The following PCSK5 variants were observed in gnomAD, a reference collection of about 807,000 sequenced individuals.
PCSK5 encodes proprotein convertase subtilisin/kexin type 5, also known as prohormone convertase 5.
A neutral mutation model predicts 233.2 loss-of-function variants in PCSK5; 129 were observed. That is an observed-to-expected ratio of 0.55 (90% CI 0.48 to 0.64). The LOEUF is 0.64. PCSK5 is among the 30% of genes least tolerant of loss of function. The pLI is 0.00. For synonymous variants in PCSK5, 825 were observed against 879.2 expected (o/e 0.94, Z 1.09); for missense variants, 2,076 against 2,430.1 (o/e 0.85, Z 3.06).
At chr9:76,289,127 G>A (rs929856856) in intron 24 of PCSK5, among the ~76,000 whole-genome samples, 2 of 152,022 alleles carry the variant, frequency 1.3e-5, no homozygotes, top group African/African-American at 2.4e-5. Flanking sequence ...TTTGTAGTCC[G>A]GCCCACCCCA....
intron 34 of PCSK5, among the ~76,000 whole-genome samples, chr9:76,336,726 A>G (rs1316241337): frequency 1.3e-5 from 2 of 152,182 alleles, no homozygotes; most frequent in Non-Finnish European, 2.9e-5. Flanking sequence ...TAATGTGCCC[A>G]TCATGGTCCC....
chr9:76,342,869 C>T (rs1013447475), intron 35 of PCSK5, among the ~76,000 whole-genome samples: 7 of 152,258 alleles, frequency 4.6e-5, no homozygotes, highest in Admixed American at 3.3e-4. Flanking sequence ...TGCTCCTCCC[C>T]CTCTCTCAAT....
At chr9:76,302,458 G>A (rs948190813) in intron 28 of PCSK5, among the ~76,000 whole-genome samples, 101 of 152,246 alleles carry the variant, frequency 6.6e-4, no homozygotes, top group African/African-American at 2.3e-3. Context: ...AAGGATATTC[G>A]TGACGAGCTA....
At position 75,963,337 on chromosome 9, in the gene PCSK5, A is replaced by G. The variant is rs548984907; in HGVS notation, c.298-22795A>G. ...CTCTAAAATTATTCTCACATTTTCA[A>G]TTCTAACAATTTATGGTGAAAATCT... On this transcript the variant is annotated intron_variant, in intron 2 of 37. Transcript: ENST00000674117. 2.8e-4 allele frequency among the ~76,000 whole-genome samples: 43 copies of G among 152,318 alleles called. 1 individual carries two copies. The South Asian group carries it at 8.5e-3, about 30-fold the overall frequency.
At chr9:76,278,021 A>G (rs954216530) in intron 24 of PCSK5, among the ~76,000 whole-genome samples, 1 of 152,210 alleles carries the variant, frequency 6.6e-6, no homozygotes, top group Non-Finnish European at 1.5e-5. Flanking sequence ...TCTCAAAACA[A>G]TTCAAGTATT....
At position 76,296,811 on chromosome 9, in the gene PCSK5, C is replaced by T. The variant is rs768565638; in HGVS notation, c.3469C>T (p.Arg1157Cys). The T allele has an allele frequency of 6.8e-6, 11 of 1,612,106 alleles. No homozygotes were observed. Among genetic ancestry groups the T allele is most frequent in the African/African-American group, 4.0e-5 (3 of 74,840 alleles). ...SSCQEGLQLL[R>C]GMCVHATKTQ... ...CTGCCAGGAAGGACTGCAGCTGCTG[C>T]GTGGGATGTGCGTGCATGCCACCAA... Residue 1157 changes from arginine to cysteine, a missense_variant, in exon 27 of 38, where the codon CGT becomes TGT. Arg to Cys is a radical substitution (Grantham distance 180, BLOSUM62 -3). This residue lies in a region of PCSK5 where 1,510 missense variants were observed against 1,538.1 expected (regional missense o/e 0.98). Transcript: ENST00000674117.
At chr9:75,954,534 T>A (rs747904730) in intron 2 of PCSK5, among the ~76,000 whole-genome samples, 2 of 152,198 alleles carry the variant, frequency 1.3e-5, no homozygotes, top group Non-Finnish European at 2.9e-5. Context: ...GTGCCTTGAC[T>A]TCTTTTAAGA....
At chr9:76,279,695 G>A (rs1367587449) in intron 24 of PCSK5, among the ~76,000 whole-genome samples, 8 of 151,952 alleles carry the variant, frequency 5.3e-5, no homozygotes, top group Non-Finnish European at 1.0e-4. Flanking sequence ...ATGTTTTTTG[G>A]CTGCATAAAT....
At chr9:76,355,521 T>C (rs1363495008) in intron 37 of PCSK5, among the ~76,000 whole-genome samples, 1 of 152,110 alleles carries the variant, frequency 6.6e-6, no homozygotes, top group Non-Finnish European at 1.5e-5. Context: ...TCTTAAAATA[T>C]ACTCTCTAGT....
At chr9:76,166,360 T>G (rs1258368668) in intron 12 of PCSK5, among the ~76,000 whole-genome samples, 1 of 152,034 alleles carries the variant, frequency 6.6e-6, no homozygotes. Context: ...TGAATTCTGA[T>G]TTGTGGATAT....
chr9:76,293,593 G>C (rs532713715), intron 25 of PCSK5, among the ~76,000 whole-genome samples: 1 of 152,172 alleles, frequency 6.6e-6, no homozygotes, highest in Admixed American at 6.5e-5. Flanking sequence ...GGGATTATAG[G>C]TGCACACCAC....
chr9:76,181,615 G>A (rs778261438), intron 16 of PCSK5, 24 bp downstream of exon 16: 2 of 1,541,004 alleles, frequency 1.3e-6, no homozygotes, highest in Non-Finnish European at 8.9e-7. Context: ...AAATACTTGG[G>A]TTTTAGAGAA....
At chr9:75,946,927 A>G (rs1557003) in intron 2 of PCSK5, among the ~76,000 whole-genome samples, 34,049 of 152,126 alleles carry the variant, frequency 0.22, 4,198 homozygotes, top group East Asian at 0.48. Context: ...GCTCTTCCCC[A>G]GATACTGTTT....
At chr9:76,189,286 A>C (rs1824253002) in intron 19 of PCSK5, 63 bp downstream of exon 19, 1 of 1,359,224 alleles carries the variant, frequency 7.4e-7, no homozygotes, top group Non-Finnish European at 1.0e-6. Flanking sequence ...GACTATCTTC[A>C]TAAGAAAATA....
rs1037616753 is a variant in PCSK5 at position 76,233,579 on chromosome 9, G to A, written c.2849G>A (p.Cys950Tyr). 20 of 1,610,694 alleles carry A rather than the reference G, an allele frequency of 1.2e-5. No homozygotes were observed. Among genetic ancestry groups the A allele is most frequent in the Non-Finnish European group, 1.7e-5 (20 of 1,179,758 alleles). ...TGCCAAGGAAGTGGCCCTACCCACT[G>A]CACCTCCTGTGGAGCAGGTGAGAGA... ...QRCQGSGPTHCTSCGADNYGR... is the reference protein window; with the variant it reads ...QRCQGSGPTHYTSCGADNYGR... The change falls in exon 22 of 38, where the codon TGC (cysteine) becomes TAC (tyrosine). Residue 950 changes from cysteine to tyrosine, a missense_variant. Coordinates refer to ENST00000674117, the MANE Select transcript of PCSK5 (RefSeq NM_001372043.1).
intron 20 of PCSK5, among the ~76,000 whole-genome samples, chr9:76,204,904 T>G (rs754542336): frequency 6.6e-6 from 1 of 152,178 alleles, no homozygotes; most frequent in Non-Finnish European, 1.5e-5. Flanking sequence ...ATAAATTCAC[T>G]GGCTGGATCA....
chr9:75,905,090 G>A (rs543044042), intron 1 of PCSK5, among the ~76,000 whole-genome samples: 45 of 152,248 alleles, frequency 3.0e-4, no homozygotes, highest in African/African-American at 1.0e-3. Flanking sequence ...TAAAATGTCC[G>A]GATTTAGCAA....
At chr9:76,108,483 G>A (rs550690425) in intron 9 of PCSK5, among the ~76,000 whole-genome samples, 2 of 152,200 alleles carry the variant, frequency 1.3e-5, no homozygotes, top group East Asian at 1.9e-4. Flanking sequence ...GGCCGGGCGC[G>A]GTGGCTTATG....
intron 24 of PCSK5, among the ~76,000 whole-genome samples, chr9:76,261,272 T>A (rs964602064): frequency 2.0e-5 from 3 of 152,190 alleles, no homozygotes; most frequent in African/African-American, 7.2e-5. Context: ...CAATCCCAAA[T>A]GAGAAACTTT....
Sources: allele counts gnomAD v4.1 joint callset (sites outside exome capture counted in the v4.1 genomes callset), GRCh38; gene constraint gnomAD v4.1.1; regional missense constraint gnomAD v4.1.1; transcripts MANE v1.5; gene names NCBI Gene and HGNC (gene_info 2026-07-23, HGNC 2026-07-21).